MTFR1: variants seen among roughly 807,000 people sequenced by gnomAD.
MTFR1 encodes the protein chondrocyte protein with a poly-proline region.
Under a neutral mutation model 38.8 loss-of-function variants are expected in MTFR1, and 28 were observed. That is an observed-to-expected ratio of 0.72 (90% CI 0.53 to 0.99). MTFR1 has a LOEUF of 0.99. Ranked by LOEUF, MTFR1 falls within the 50% of genes least tolerant of loss-of-function variation. The pLI, the probability that MTFR1 is intolerant of heterozygous loss-of-function variation, is 0.00. For missense variants in MTFR1, 358 were observed against 395.5 expected (o/e 0.91, Z 0.81); for synonymous variants, 145 against 137.0 (o/e 1.06, Z -0.41).
intron 1 of MTFR1, among the ~76,000 whole-genome samples, chr8:65,653,553 A>G (rs1809177021): frequency 6.6e-6 from 1 of 152,150 alleles, no homozygotes; most frequent in African/African-American, 2.4e-5. Flanking sequence ...CAGTTAATTT[A>G]AATTAAAACA....
intron 3 of MTFR1, among the ~76,000 whole-genome samples, chr8:65,759,431 C>T (rs773898016): frequency 5.9e-5 from 9 of 152,028 alleles, no homozygotes; most frequent in Non-Finnish European, 8.8e-5. Flanking sequence ...ACCCTGGCTT[C>T]AGCCAGATAC....
intron 3 of MTFR1, among the ~76,000 whole-genome samples, chr8:65,759,247 T>C (rs923285196): frequency 5.9e-5 from 9 of 152,210 alleles, no homozygotes; most frequent in African/African-American, 2.2e-4. Context: ...TCCTTAAGTG[T>C]CTGGCTCCAA....
At chr8:65,778,521 C>A in the MTFR1 span, among the ~76,000 whole-genome samples, 1 of 152,122 alleles carries the variant, frequency 6.6e-6, no homozygotes, top group Non-Finnish European at 1.5e-5. Flanking sequence ...ACAAGCAAGC[C>A]AAACTTGATA....
intron 3 of MTFR1, among the ~76,000 whole-genome samples, chr8:65,741,913 G>A (rs1024318035): frequency 6.6e-6 from 1 of 152,206 alleles, no homozygotes; most frequent in Non-Finnish European, 1.5e-5. Flanking sequence ...CAGGCAAAGT[G>A]CAGTGAAGAA....
intron 1 of MTFR1, among the ~76,000 whole-genome samples, chr8:65,653,957 G>A (rs112702480): frequency 0.022 from 3,296 of 152,034 alleles, 124 homozygotes; most frequent in African/African-American, 0.075. Flanking sequence ...TAGCTACTTG[G>A]GAGGCTGAAG....
At chr8:65,678,875 A>C (rs953514491) in intron 2 of MTFR1, among the ~76,000 whole-genome samples, 1 of 151,750 alleles carries the variant, frequency 6.6e-6, no homozygotes, top group Admixed American at 6.6e-5. Flanking sequence ...ACAGAGCGAG[A>C]CTCCATCTAA....
intron 3 of MTFR1, among the ~76,000 whole-genome samples, chr8:65,684,597 T>G (rs1194406239): frequency 3.3e-5 from 5 of 151,144 alleles, no homozygotes; most frequent in Non-Finnish European, 7.4e-5. Context: ...GTTGGCCAGG[T>G]TGGTCTCGAA....
At chr8:65,746,496 A>C (rs1477394711) in intron 3 of MTFR1, among the ~76,000 whole-genome samples, 1 of 152,200 alleles carries the variant, frequency 6.6e-6, no homozygotes, top group African/African-American at 2.4e-5. Flanking sequence ...CTTTTAGGAT[A>C]ATGTGTACTT....
chr8:65,742,473 C>A (rs533163941), intron 3 of MTFR1, among the ~76,000 whole-genome samples: 2 of 152,196 alleles, frequency 1.3e-5, no homozygotes, highest in African/African-American at 4.8e-5. Flanking sequence ...TGTCTTGGCA[C>A]GAATCACTGC....
rs113923652 is a variant in MTFR1, at chr8:65,755,024, A to AT, written c.*49-15909dup. 9.0e-3 allele frequency among the ~76,000 whole-genome samples: 1,236 copies of AT among 136,786 alleles called. 10 individuals carry two copies. Among genetic ancestry groups the AT allele is most frequent in the African/African-American group, 9.8e-3 (366 of 37,320 alleles). The allele number at this position is 136,786 out of a possible 152,430, so 89.7% of individuals were successfully genotyped here. On this transcript the variant is annotated intron_variant, in intron 3 of 3. Transcript: ENST00000521247. ...TGCCTGTTTATTTTTTTTTTCACTTATTTTTTTTTTTTTTGAGACAGAGTC... is the reference window on the plus strand; with the variant it reads ...TGCCTGTTTATTTTTTTTTTCACTTATTTTTTTTTTTTTTTGAGACAGAGTC...
chr8:65,738,163 G>C (rs968858207), intron 3 of MTFR1, among the ~76,000 whole-genome samples: 3 of 151,640 alleles, frequency 2.0e-5, no homozygotes, highest in Non-Finnish European at 4.4e-5. Flanking sequence ...AAAAAAAAAC[G>C]ATGTATACAC....
chr8:65,693,904 T>C, intron 4 of MTFR1, 145 bp downstream of exon 4: 1 of 664,548 alleles, frequency 1.5e-6, no homozygotes, highest in South Asian at 2.0e-5. Flanking sequence ...CTTTTCTGTT[T>C]ATTTTCCTTT....
intron 1 of MTFR1, among the ~76,000 whole-genome samples, chr8:65,653,865 G>A (rs564639122): frequency 6.6e-6 from 1 of 151,934 alleles, no homozygotes; most frequent in East Asian, 1.9e-4. Context: ...AGGAGTTTGA[G>A]ACCAGCCTGG....
chr8:65,723,573 C>T lies in MTFR1; in HGVS notation c.*48+4092C>T, dbSNP rs988517648. On this transcript the variant is annotated intron_variant, in intron 3 of 3. Transcript: ENST00000521247. The stretch of plus-strand genomic sequence containing the variant: ...GATGTTGGCAATAGATTCAGTGTGA[C>T]GATCGCAAAGTGGACTCACACCCAA... The T allele has an allele frequency of 3.6e-5, 57 of 1,580,622 alleles. No homozygotes were observed. The highest frequency in any genetic ancestry group is 4.6e-5 in the Non-Finnish European group (54 of 1,165,320).
intron 3 of MTFR1, among the ~76,000 whole-genome samples, chr8:65,688,099 A>G (rs1426502399): frequency 1.7e-4 from 5 of 30,152 alleles, no homozygotes; most frequent in East Asian, 1.1e-3. Flanking sequence ...GACTCCGTCT[A>G]AAAAAAAAAA....
intron 4 of MTFR1, among the ~76,000 whole-genome samples, chr8:65,694,809 G>A (rs1037934187): frequency 1.3e-5 from 2 of 152,220 alleles, no homozygotes; most frequent in African/African-American, 2.4e-5. Flanking sequence ...TGAGGGCTGA[G>A]TGGGAGCCAA....
intron 3 of MTFR1, among the ~76,000 whole-genome samples, chr8:65,691,582 G>A (rs1053130249): frequency 6.6e-6 from 1 of 152,126 alleles, no homozygotes; most frequent in East Asian, 1.9e-4. Context: ...GTGAGCCACC[G>A]CACCTGGCTG....
At chr8:65,765,293 T>C (rs1330692649) in intron 3 of MTFR1, among the ~76,000 whole-genome samples, 1 of 150,446 alleles carries the variant, frequency 6.6e-6, no homozygotes, top group African/African-American at 2.4e-5. Flanking sequence ...ATCGAGACCA[T>C]CCCGGCTAAA....
At chr8:65,733,469 A>T (rs1393573216) in intron 3 of MTFR1, among the ~76,000 whole-genome samples, 1 of 152,180 alleles carries the variant, frequency 6.6e-6, no homozygotes, top group Non-Finnish European at 1.5e-5. Flanking sequence ...TTAATTTAAA[A>T]ATTGGGGTGG....
Sources: gnomAD v4.1 joint callset for allele counts (sites outside exome capture counted in the v4.1 genomes callset) on GRCh38, gnomAD v4.1.1 for gene constraint, MANE v1.5 for transcripts, NCBI Gene and HGNC (gene_info 2026-07-23, HGNC 2026-07-21) for gene names.